The following MYPN variants were observed in gnomAD, a reference collection of about 807,000 sequenced individuals.
MYPN encodes the protein myopalladin.
A neutral mutation model predicts 129.4 loss-of-function variants in MYPN; 63 were observed. That is an observed-to-expected ratio of 0.49 (90% CI 0.40 to 0.60). The LOEUF (loss-of-function observed/expected upper bound fraction) is 0.60. Among genes scored for constraint, MYPN ranks in the 20% least tolerant of loss-of-function variants. The probability of loss-of-function intolerance (pLI) is 0.00; values close to 1 mark genes in which losing one functional copy is unlikely to be tolerated. For synonymous variants in MYPN, 629 were observed against 600.9 expected, an observed-to-expected ratio of 1.05 and a Z score of -0.68; for missense variants, 1,596 against 1,635.4, an observed-to-expected ratio of 0.98 and a Z score of 0.42.
chr10:68,173,552 G>T (rs1162106133), intron 10 of MYPN, among the ~76,000 whole-genome samples: 3 of 151,892 alleles, frequency 2.0e-5, no homozygotes, highest in Non-Finnish European at 4.4e-5. Context: ...CTGGTTGTGT[G>T]TTCTTTATCA....
In MYPN at chr10:68,210,295, A is replaced by G. The variant is rs779404025; in HGVS notation, c.3803A>G (p.His1268Arg). The G allele has an allele frequency of 6.2e-6, 10 of 1,613,376 alleles. No individual in the cohort carries two copies. Among genetic ancestry groups the G allele is most frequent in the Non-Finnish European group, 8.5e-6 (10 of 1,180,032 alleles). The change falls in exon 20 of 20, where the codon CAC becomes CGC. Residue 1268 changes from histidine (H) to arginine (R), a missense_variant. By Grantham distance (29) the His-to-Arg change is conservative. Coordinates refer to ENST00000358913, the MANE Select transcript of MYPN (RefSeq NM_032578.4). ...TTGGTCCATTTTCCAGCTCAGTGGC[A>G]CCATCAGATCCCACCGCCCATGTCT... ...TARLDIYAQW[H>R]HQIPPPMSVR...
intron 2 of MYPN, among the ~76,000 whole-genome samples, chr10:68,138,046 G>C (rs1303735220): frequency 6.6e-6 from 1 of 151,568 alleles, no homozygotes; most frequent in Admixed American, 6.6e-5. Flanking sequence ...TAAAAGTAAT[G>C]ATTTTTACTG....
At chr10:68,107,341 C>CT (rs1217100514), upstream of MYPN, among the ~76,000 whole-genome samples, 5,677 of 113,432 alleles carry the variant, frequency 0.05, 233 homozygotes, top group Non-Finnish European at 0.072. Context: ...CTTCTCTTTT[C>CT]TTTTTTTTTT....
chr10:68,196,856 A>C (rs2043616198), intron 15 of MYPN, among the ~76,000 whole-genome samples: 1 of 152,010 alleles, frequency 6.6e-6, no homozygotes, highest in Admixed American at 6.6e-5. Flanking sequence ...ACCGTTGGTC[A>C]GTCTTATCCA....
intron 8 of MYPN, among the ~76,000 whole-genome samples, chr10:68,163,599 A>C (rs2043011738): frequency 6.6e-6 from 1 of 152,226 alleles, no homozygotes; most frequent in Non-Finnish European, 1.5e-5. Context: ...ACTGCACTCC[A>C]GCCCGGGTGA....
intron 13 of MYPN, among the ~76,000 whole-genome samples, chr10:68,192,162 T>C (rs1031991237): frequency 2.0e-5 from 3 of 152,170 alleles, no homozygotes; most frequent in Admixed American, 6.5e-5. Flanking sequence ...CTTCATTGTG[T>C]TGTGTTCCTT....
At chr10:68,089,689 A>G (rs1179392048) in intron 1 of MYPN, among the ~76,000 whole-genome samples, 2 of 152,106 alleles carry the variant, frequency 1.3e-5, no homozygotes, top group African/African-American at 4.8e-5. Context: ...GCGAGAAGAG[A>G]GAAGAGAAGC....
intron 5 of MYPN, among the ~76,000 whole-genome samples, chr10:68,148,884 C>T (rs921844661): frequency 2.0e-5 from 3 of 152,140 alleles, no homozygotes; most frequent in Admixed American, 6.5e-5. Context: ...GGCTCTCATC[C>T]TTCAAGTTAA....
chr10:68,174,557 G>A lies in MYPN; in HGVS notation c.2465G>A (p.Arg822Gln), dbSNP rs372903698. The change falls in exon 11 of 20, where the codon CGG becomes CAG. Residue 822 changes from arginine (R) to glutamine (Q), a missense_variant. Arg to Gln is a conservative substitution (Grantham distance 43). Transcript: ENST00000358913. ...CCAATTCCTGTCTCTCCTACCAGCC[G>A]GATTCAGAACCCAGTGGCTTTCCTC... ...VSPIPVSPTS[R>Q]IQNPVAFLSS... 18 of 1,613,930 alleles carry A rather than the reference G, an allele frequency of 1.1e-5. No homozygotes were observed. Among genetic ancestry groups the A allele is most frequent in the Middle Eastern group, 1.6e-4 (1 of 6,084 alleles).
chr10:68,162,508 C>T (rs946756528), intron 8 of MYPN, among the ~76,000 whole-genome samples: 12 of 152,180 alleles, frequency 7.9e-5, no homozygotes, highest in African/African-American at 2.4e-4. Flanking sequence ...GATACTACGA[C>T]GAGATACAAG....
chr10:68,196,387 A>C (rs1040772349), intron 15 of MYPN, among the ~76,000 whole-genome samples: 6 of 152,166 alleles, frequency 3.9e-5, no homozygotes, highest in African/African-American at 1.4e-4. Context: ...AGCTGCTGAC[A>C]CAGACGAATT....
intron 1 of MYPN, among the ~76,000 whole-genome samples, chr10:68,095,530 A>G (rs968703474): frequency 6.6e-6 from 1 of 152,088 alleles, no homozygotes; most frequent in South Asian, 2.1e-4. Context: ...CAACTCCACA[A>G]ACTGAGTACC....
At chr10:68,090,569 C>G (rs2041926224) in intron 1 of MYPN, among the ~76,000 whole-genome samples, 1 of 152,090 alleles carries the variant, frequency 6.6e-6, no homozygotes, top group South Asian at 2.1e-4. Context: ...AGTTTCATAT[C>G]CCGGACTAGG....
In MYPN at chr10:68,211,638, C is replaced by A. The variant is rs1481782845; in HGVS notation, c.*1183C>A. Reference sequence around the variant, plus strand: ...TTTAGACTTAAGTTCACTGTGATATCCCTAGTACCTAGAAGAGTACCTAGC... The same window carrying A: ...TTTAGACTTAAGTTCACTGTGATATACCTAGTACCTAGAAGAGTACCTAGC... On this transcript the variant is annotated 3_prime_UTR_variant, in exon 20 of 20. Transcript: ENST00000358913. 2.2e-6 allele frequency: 1 copy of A among 454,108 alleles called. No homozygotes were observed. Among genetic ancestry groups the A allele is most frequent in the Admixed American group, 2.3e-5 (1 of 42,564 alleles). The allele number at this position is 454,108 out of a possible 1,614,324, so 28.1% of individuals were successfully genotyped here. A position where few individuals can be genotyped will look rare whatever the true frequency, so the allele number is the denominator to read the frequency against.
intron 8 of MYPN, among the ~76,000 whole-genome samples, chr10:68,162,915 C>T (rs56327035): frequency 0.051 from 7,688 of 152,094 alleles, 233 homozygotes; most frequent in Middle Eastern, 0.065. Flanking sequence ...ATGAAGAAGC[C>T]GGGTTCTCAT....
chr10:68,142,860 T>C, intron 2 of MYPN, 80 bp from the exon 3 acceptor site: 1 of 1,333,736 alleles, frequency 7.5e-7, no homozygotes, highest in Non-Finnish European at 1.1e-6. Flanking sequence ...ATGAAGCTCA[T>C]TTAAGAGAAT....
At chr10:68,181,377 C>T (rs1900016) in intron 12 of MYPN, among the ~76,000 whole-genome samples, 63,681 of 151,738 alleles carry the variant, frequency 0.42, 14,022 homozygotes, top group Non-Finnish European at 0.49. Context: ...CTGCAATCTC[C>T]GCCTCCTAGG....
upstream of MYPN, among the ~76,000 whole-genome samples, chr10:68,102,301 A>T (rs969134933): frequency 6.6e-6 from 1 of 151,478 alleles, no homozygotes; most frequent in South Asian, 2.1e-4. Flanking sequence ...ATTATTTTTT[A>T]AATTTTTTAT....
chr10:68,127,481 C>T (rs569921733), intron 2 of MYPN, among the ~76,000 whole-genome samples: 13 of 151,564 alleles, frequency 8.6e-5, no homozygotes, highest in Middle Eastern at 3.4e-3. Context: ...ATTACAGGCA[C>T]GTGCCACCAT....
Sources: allele counts gnomAD v4.1 joint callset (sites outside exome capture counted in the v4.1 genomes callset), GRCh38; gene constraint gnomAD v4.1.1; transcripts MANE v1.5; gene names NCBI Gene and HGNC (gene_info 2026-07-23, HGNC 2026-07-21).